Variants in USO1 observed in about 807,000 individuals in gnomAD.
USO1 encodes the protein USO1 vesicle transport factor, also known as general vesicular transport factor p115.
A neutral mutation model predicts 124.5 loss-of-function variants in USO1; 57 were observed. The observed-to-expected ratio is 0.46, with a 90% confidence interval of 0.37 to 0.57. USO1 has a LOEUF of 0.57. USO1 is among the 20% of genes least tolerant of loss of function. USO1 has a pLI of 0.00. For synonymous variants in USO1, 369 were observed against 362.8 expected (o/e 1.02, Z -0.19); for missense variants, 900 against 1,040.6 (o/e 0.86, Z 1.86).
chr4:75,762,342 T>G (rs955588030), intron 4 of USO1, among the ~76,000 whole-genome samples: 3 of 151,928 alleles, frequency 2.0e-5, no homozygotes, highest in South Asian at 4.2e-4. Context: ...TTTTGTATTT[T>G]TAGTAGAGAC....
chr4:75,736,413 G>A (rs1720794014), intron 1 of USO1, among the ~76,000 whole-genome samples: 1 of 146,374 alleles, frequency 6.8e-6, no homozygotes, highest in Admixed American at 7.0e-5. Context: ...CGCCTCCTGG[G>A]TTCAAGCAAT....
intron 1 of USO1, among the ~76,000 whole-genome samples, chr4:75,742,635 TAAG>T (rs1398061609): frequency 6.6e-6 from 1 of 152,262 alleles, no homozygotes; most frequent in Non-Finnish European, 1.5e-5. Flanking sequence ...TATGCTGAGA[TAAG>T]AAATACTTTG....
chr4:75,757,703 T>G, intron 4 of USO1, 130 bp downstream of exon 4: 1 of 858,520 alleles, frequency 1.2e-6, no homozygotes, highest in Non-Finnish European at 1.5e-6. Flanking sequence ...ATTAAAAAAT[T>G]TAATAAACAC....
At chr4:75,742,224 A>G (rs1473361435) in intron 1 of USO1, among the ~76,000 whole-genome samples, 1 of 152,122 alleles carries the variant, frequency 6.6e-6, no homozygotes, top group Admixed American at 6.5e-5. Flanking sequence ...TGTACTGTAC[A>G]CAATTGTCTG....
rs992040185 is a variant in USO1, at chr4:75,796,023, G to A, written c.1452+2122G>A. On this transcript the variant is annotated intron_variant, in intron 13 of 23. Coordinates refer to ENST00000514213, the MANE Select transcript of USO1 (RefSeq NM_003715.4). ...CATGGGTTTCAGTTGAATAATGTGG[G>A]TAGTAATAAATGAGGTCCTGTTATG... is the stretch of plus-strand genomic sequence containing the variant. Among the ~76,000 whole-genome samples, 5 of 152,112 alleles carry A rather than the reference G, an allele frequency of 3.3e-5. No homozygotes were observed. The South Asian group carries it at 1.0e-3, about 32-fold the overall frequency.
intron 4 of USO1, among the ~76,000 whole-genome samples, chr4:75,761,522 A>G (rs570306292): frequency 4.6e-5 from 7 of 152,246 alleles, no homozygotes; most frequent in Non-Finnish European, 8.8e-5. Flanking sequence ...ATTCTAGTTC[A>G]GAGAATGTAT....
intron 1 of USO1, among the ~76,000 whole-genome samples, chr4:75,744,414 T>A (rs1721062091): frequency 6.6e-6 from 1 of 152,186 alleles, no homozygotes; most frequent in Non-Finnish European, 1.5e-5. Context: ...TGCTGTTTTT[T>A]GATTCTATAA....
chr4:75,738,276 G>A (rs1720852928), intron 1 of USO1, among the ~76,000 whole-genome samples: 1 of 151,848 alleles, frequency 6.6e-6, no homozygotes, highest in Non-Finnish European at 1.5e-5. Flanking sequence ...GGCCAACATG[G>A]TCAAACCCCA....
At position 75,759,246 on chromosome 4, in the gene USO1, C is replaced by CTTTTT. The variant is rs71208100; in HGVS notation, c.295+1687_295+1691dup. ...TAATAGAATCACTTTTATTAAGGAC[C>CTTTTT]TTTTTTTTTTTTTTTTTTCTGAAAA... On this transcript the variant is annotated intron_variant, in intron 4 of 23. Coordinates refer to ENST00000514213, the MANE Select transcript of USO1 (RefSeq NM_003715.4). Among the ~76,000 whole-genome samples, 23 of 69,122 alleles carry CTTTTT rather than the reference C, an allele frequency of 3.3e-4. 4 individuals are homozygous for CTTTTT. Among genetic ancestry groups the CTTTTT allele is most frequent in the African/African-American group, 1.4e-3 (21 of 15,520 alleles). 45.3% of individuals were successfully genotyped at this position (69,122 alleles called of 152,430 possible).
chr4:75,768,962 C>A (rs1721845504), intron 4 of USO1, among the ~76,000 whole-genome samples: 1 of 152,198 alleles, frequency 6.6e-6, no homozygotes, highest in Non-Finnish European at 1.5e-5. Flanking sequence ...ACTTCTGATT[C>A]TCTGTATACT....
chr4:75,739,104 G>A (rs548024015), intron 1 of USO1, among the ~76,000 whole-genome samples: 161 of 152,072 alleles, frequency 1.1e-3, no homozygotes, highest in African/African-American at 3.8e-3. Context: ...CGCCCGCCTC[G>A]TCCTCCCAAA....
At chr4:75,733,713 ATTAGACCT>A (rs1431891821) in intron 1 of USO1, among the ~76,000 whole-genome samples, 2 of 152,134 alleles carry the variant, frequency 1.3e-5, no homozygotes. Flanking sequence ...GATTCTGAAT[ATTAGACCT>A]TTGTCAGATG....
rs1184094875 is a variant in USO1 at position 75,812,300 on chromosome 4, T to A, written c.2724T>A (p.Asp908Glu). Residue 908 changes from aspartate (D) to glutamate (E), a missense_variant, in exon 23 of 24, where the codon GAT becomes GAA. Around this residue, in one of 2 missense-constraint regions of USO1, gnomAD observed 362 missense variants for 359.0 expected, o/e 1.01. Coordinates refer to ENST00000514213, the MANE Select transcript of USO1 (RefSeq NM_003715.4). ...EITDSKKEQD[D>E]LLVLLADQDQ... ...CAGATTCTAAAAAAGAACAAGATGA[T>A]CTCTTGGTGCTCTTGGCCGATCAAG... The A allele has an allele frequency of 1.9e-6, 3 of 1,607,052 alleles. No homozygotes were observed. Among genetic ancestry groups the A allele is most frequent in the African/African-American group, 2.7e-5 (2 of 74,852 alleles).
intron 20 of USO1, among the ~76,000 whole-genome samples, chr4:75,807,962 A>G (rs1723042652): frequency 6.6e-6 from 1 of 152,074 alleles, no homozygotes. Context: ...GAAAACTGTA[A>G]CTCATTTTAA....
At chr4:75,774,840 A>G (rs1304625681) in intron 8 of USO1, 44 bp downstream of exon 8, 1 of 1,595,408 alleles carries the variant, frequency 6.3e-7, no homozygotes, top group East Asian at 2.3e-5. Flanking sequence ...TTTTGTACTC[A>G]CTGACTTGTT....
intron 23 of USO1, among the ~76,000 whole-genome samples, chr4:75,812,894 T>C (rs1020016610): frequency 1.3e-5 from 2 of 152,102 alleles, no homozygotes; most frequent in Admixed American, 6.6e-5. Flanking sequence ...GCAGATTACC[T>C]GAGGTCAGGG....
chr4:75,745,046 G>T (rs1721083627), intron 1 of USO1: 2 of 345,680 alleles, frequency 5.8e-6, no homozygotes, highest in South Asian at 2.3e-5. Flanking sequence ...TCAAATCTTT[G>T]CCCACTGCCA....
At chr4:75,797,474 CTCTTT>C (rs35509578) in intron 13 of USO1, among the ~76,000 whole-genome samples, 78,598 of 143,784 alleles carry the variant, frequency 0.55, 22,753 homozygotes, top group East Asian at 0.81. Flanking sequence ...CCATTATTCT[CTCTTT>C]TTTCTTTTTT....
At chr4:75,787,772 C>T (rs942208728) in intron 10 of USO1, among the ~76,000 whole-genome samples, 1 of 152,104 alleles carries the variant, frequency 6.6e-6, no homozygotes, top group East Asian at 1.9e-4. Flanking sequence ...CTCATGTCAC[C>T]TCATAATTAT....
Sources: gnomAD v4.1 joint callset for allele counts (sites outside exome capture counted in the v4.1 genomes callset) on GRCh38, gnomAD v4.1.1 for gene constraint, gnomAD v4.1.1 regional missense constraint, MANE v1.5 for transcripts, NCBI Gene and HGNC (gene_info 2026-07-23, HGNC 2026-07-21) for gene names.